The following RAB3GAP2 variants were observed in gnomAD, a reference collection of about 807,000 sequenced individuals.
RAB3GAP2 encodes the protein RAB3 GTPase activating non-catalytic protein subunit 2, also known as rab3 GTPase-activating protein non-catalytic subunit.
In RAB3GAP2, 87 loss-of-function variants were observed where a neutral mutation model predicts 185.3. The observed-to-expected ratio is 0.47, with a 90% CI of 0.39 to 0.56. The LOEUF is 0.56. Among genes scored for constraint, RAB3GAP2 ranks in the 20% least tolerant of loss-of-function variants. RAB3GAP2 has a pLI of 0.00. For synonymous variants in RAB3GAP2, 554 were observed against 576.1 expected (o/e 0.96, Z 0.55); for missense variants, 1,492 against 1,638.2 (o/e 0.91, Z 1.54).
At chr1:220,154,622 A>G (rs1337475345) in intron 31 of RAB3GAP2, among the ~76,000 whole-genome samples, 1 of 152,104 alleles carries the variant, frequency 6.6e-6, no homozygotes, top group Non-Finnish European at 1.5e-5. Context: ...ACTGACCCAC[A>G]ACAACTGTGA....
rs1045575517 is a variant in RAB3GAP2 at position 220,214,156 on chromosome 1, A to G, written c.181-177T>C. The stretch of plus-strand genomic sequence containing the variant: ...GCCAAAGATGGCTGACAAACAAAAT[A>G]CCCACTATAAACAAATCTTCAGTTT... On this transcript the variant is annotated intron_variant, in intron 2 of 34. Transcript: ENST00000358951. Among the ~76,000 whole-genome samples the G allele has an allele frequency of 4.6e-5, 7 of 152,354 alleles. No homozygotes were observed. The East Asian group carries it at 1.2e-3, about 25-fold the overall frequency.
chr1:220,264,253 GA>G (rs1660191108), intron 1 of RAB3GAP2, among the ~76,000 whole-genome samples: 1 of 151,974 alleles, frequency 6.6e-6, no homozygotes, highest in African/African-American at 2.4e-5. Context: ...CTTCTTGCTT[GA>G]GTTATTACAA....
intron 1 of RAB3GAP2, among the ~76,000 whole-genome samples, chr1:220,242,829 A>C (rs187281481): frequency 3.9e-4 from 59 of 152,312 alleles, no homozygotes; most frequent in Non-Finnish European, 7.6e-4. Context: ...TTTTTGGGCA[A>C]TCTGAATACT....
chr1:220,190,317 C>T, intron 15 of RAB3GAP2, 60 bp downstream of exon 15: 1 of 1,608,092 alleles, frequency 6.2e-7, no homozygotes, highest in Non-Finnish European at 8.5e-7. Flanking sequence ...GTACAACAAA[C>T]CTAGGAACTA....
At chr1:220,190,638 C>A in intron 14 of RAB3GAP2, 118 bp from the exon 15 acceptor site, 2 of 988,452 alleles carry the variant, frequency 2.0e-6, no homozygotes, top group South Asian at 1.4e-5. Context: ...ATTAATAAGG[C>A]AACTAAATAC....
At chr1:220,152,611 G>T (rs1195678623) in intron 33 of RAB3GAP2, among the ~76,000 whole-genome samples, 4 of 152,210 alleles carry the variant, frequency 2.6e-5, no homozygotes, top group African/African-American at 9.6e-5. Context: ...GTAGCTGGCT[G>T]CTGCTTCTCC....
chr1:220,197,307 G>A (rs1658748020), intron 9 of RAB3GAP2, among the ~76,000 whole-genome samples: 1 of 151,772 alleles, frequency 6.6e-6, no homozygotes, highest in South Asian at 2.1e-4. Flanking sequence ...GTGTGCTGCT[G>A]TGCCTGACCT....
At chr1:220,213,144 A>G (rs185885010) in intron 3 of RAB3GAP2, among the ~76,000 whole-genome samples, 176 bp from the exon 4 acceptor site, 37 of 152,340 alleles carry the variant, frequency 2.4e-4, no homozygotes, top group African/African-American at 7.5e-4. Context: ...TAAGATTCTT[A>G]TAATACACCT....
At chr1:220,168,334 T>C (rs777697329) in intron 24 of RAB3GAP2, among the ~76,000 whole-genome samples, 1 of 152,156 alleles carries the variant, frequency 6.6e-6, no homozygotes, top group Non-Finnish European at 1.5e-5. Flanking sequence ...TCAGGTGATC[T>C]GCCTGCCTCA....
At chr1:220,225,086 A>C (rs1659379689) in intron 2 of RAB3GAP2, among the ~76,000 whole-genome samples, 1 of 152,182 alleles carries the variant, frequency 6.6e-6, no homozygotes, top group Non-Finnish European at 1.5e-5. Context: ...TTTGAACTAA[A>C]ATTAACAGTT....
chr1:220,151,244 G>A lies in RAB3GAP2; in HGVS notation c.*7C>T, dbSNP rs780723190. 3 of 1,612,026 alleles carry A rather than the reference G, an allele frequency of 1.9e-6. No homozygotes were observed. The highest frequency in any genetic ancestry group is 2.2e-5 in the South Asian group (2 of 91,048). On this transcript the variant is annotated 3_prime_UTR_variant, in exon 35 of 35. Transcript: ENST00000358951. The stretch of plus-strand genomic sequence containing the variant: ...CATAATTTTAGACTATTTCCAGTAG[G>A]TAAGTGTCATAAAGAAGGAAGAGAT...
intron 1 of RAB3GAP2, among the ~76,000 whole-genome samples, chr1:220,251,142 T>C (rs1659922926): frequency 6.6e-6 from 1 of 152,222 alleles, no homozygotes; most frequent in African/African-American, 2.4e-5. Context: ...TAGTAGGAAG[T>C]TGATGAATTA....
Position 220,185,655 on chromosome 1 carries a change from A to C in RAB3GAP2, c.1866T>G (p.Ser622Arg), listed in dbSNP as rs1658494333. ...AATCAGTACAAACCCTATTACCTTG[A>C]CTTTTTAAAGTGTCCATTAAAGTCT... ...ITQTLMDTLK[S>R]QELESVDEGL... is the part of the protein sequence containing the mutation. Residue 622 changes from serine to arginine, a missense_variant, in exon 18 of 35, where the codon AGT (serine) becomes AGG (arginine). Coordinates refer to ENST00000358951, the MANE Select transcript of RAB3GAP2 (RefSeq NM_012414.4). 4 of 1,606,292 alleles carry C rather than the reference A, an allele frequency of 2.5e-6. No individual in the cohort carries two copies. The highest frequency in any genetic ancestry group is 3.4e-6 in the Non-Finnish European group (4 of 1,173,248).
At chr1:220,179,960 G>A (rs1051239183) in intron 21 of RAB3GAP2, among the ~76,000 whole-genome samples, 13 of 152,000 alleles carry the variant, frequency 8.6e-5, no homozygotes, top group East Asian at 1.9e-4. Flanking sequence ...TCAAGAGATC[G>A]AGACCATCCT....
At chr1:220,160,853 T>A (rs1290874604) in intron 28 of RAB3GAP2, among the ~76,000 whole-genome samples, 1 of 152,204 alleles carries the variant, frequency 6.6e-6, no homozygotes, top group African/African-American at 2.4e-5. Context: ...AACTGTGAGC[T>A]CTTTGAGGGC....
intron 28 of RAB3GAP2, among the ~76,000 whole-genome samples, chr1:220,161,673 G>A (rs1375881515): frequency 6.6e-6 from 1 of 152,184 alleles, no homozygotes; most frequent in Non-Finnish European, 1.5e-5. Flanking sequence ...AAGATTTATA[G>A]AGGAGAATAA....
At chr1:220,198,821 A>G (rs999226880) in intron 9 of RAB3GAP2, among the ~76,000 whole-genome samples, 3 of 152,110 alleles carry the variant, frequency 2.0e-5, no homozygotes, top group Non-Finnish European at 4.4e-5. Context: ...GTCCCTCTCA[A>G]TATAAGTTTC....
In RAB3GAP2 at chr1:220,193,252, G is replaced by C; in HGVS notation, c.1258C>G (p.Arg420Gly). 2 of 1,613,912 alleles carry C rather than the reference G, an allele frequency of 1.2e-6. No homozygotes were observed. Among genetic ancestry groups the C allele is most frequent in the Non-Finnish European group, 1.7e-6 (2 of 1,179,906 alleles). Residue 420 changes from arginine (R) to glycine (G), a missense_variant, in exon 13 of 35, where the codon CGC becomes GGC. By Grantham distance (125) the Arg-to-Gly change is moderately radical (BLOSUM62 -2). Around this residue, in one of 5 missense-constraint regions of RAB3GAP2, gnomAD observed 681 missense variants for 689.1 expected, o/e 0.99. Coordinates refer to ENST00000358951, the MANE Select transcript of RAB3GAP2 (RefSeq NM_012414.4). Reference protein sequence around the residue: ...LLDVARGIAIRMWKGYRDAQI... With the variant: ...LLDVARGIAIGMWKGYRDAQI... ...TTGTAAGAAGTACCTTTCCACATGC[G>C]TATTGCAATTCCTCTAGCTACATCC...
intron 1 of RAB3GAP2, among the ~76,000 whole-genome samples, chr1:220,268,109 C>T (rs1660260646): frequency 6.6e-6 from 1 of 152,192 alleles, no homozygotes; most frequent in South Asian, 2.1e-4. Context: ...CTCATGATTT[C>T]TGCTTCCCAA....
Sources: allele counts gnomAD v4.1 joint callset (sites outside exome capture counted in the v4.1 genomes callset), GRCh38; gene constraint gnomAD v4.1.1; regional missense constraint gnomAD v4.1.1; transcripts MANE v1.5; gene names NCBI Gene and HGNC (gene_info 2026-07-23, HGNC 2026-07-21).